The following NKAIN2 variants were observed in gnomAD, a reference collection of about 807,000 sequenced individuals.
NKAIN2 encodes sodium/potassium transporting ATPase interacting 2, also known as sodium/potassium-transporting ATPase subunit beta-1-interacting protein 2.
Under a neutral mutation model 32.6 loss-of-function variants are expected in NKAIN2, and 14 were observed. The ratio of observed to expected loss-of-function variants is 0.43; its 90% CI spans 0.28 to 0.67. The LOEUF (loss-of-function observed/expected upper bound fraction) is 0.67, where lower values mean the gene tolerates loss of function less well. Among genes scored for constraint, NKAIN2 ranks in the 30% least tolerant of loss-of-function variants. The pLI is 0.17. For synonymous variants in NKAIN2, 80 were observed against 87.2 expected (o/e 0.92, Z 0.46); for missense variants, 198 against 258.3 (o/e 0.77, Z 1.60).
chr6:124,582,283 G>C (rs374920640), intron 3 of NKAIN2, among the ~76,000 whole-genome samples: 1 of 152,098 alleles, frequency 6.6e-6, no homozygotes, highest in South Asian at 2.1e-4. Context: ...TTGAATTTTT[G>C]TGATATTAGT....
chr6:123,822,352 C>A (rs1353028364), intron 1 of NKAIN2, among the ~76,000 whole-genome samples: 1 of 152,148 alleles, frequency 6.6e-6, no homozygotes, highest in Non-Finnish European at 1.5e-5. Context: ...TAGAATTATA[C>A]ATTCTGGAGT....
chr6:124,167,417 G>A (rs533841388), intron 1 of NKAIN2, among the ~76,000 whole-genome samples: 1 of 152,132 alleles, frequency 6.6e-6, no homozygotes, highest in Admixed American at 6.6e-5. Flanking sequence ...GGAGATTTTG[G>A]GCTGAGACAA....
chr6:124,545,186 C>G (rs137896886), intron 3 of NKAIN2, among the ~76,000 whole-genome samples: 1 of 152,070 alleles, frequency 6.6e-6, no homozygotes, highest in Non-Finnish European at 1.5e-5. Context: ...TGCTTCAATG[C>G]CTGCCCTGAA....
intron 4 of NKAIN2, among the ~76,000 whole-genome samples, chr6:124,738,311 T>A (rs1372291092): frequency 6.6e-6 from 1 of 151,884 alleles, no homozygotes; most frequent in Non-Finnish European, 1.5e-5. Context: ...GTTCTATTCC[T>A]TAGATAATAA....
At chr6:123,861,525 C>T (rs969200324) in intron 1 of NKAIN2, among the ~76,000 whole-genome samples, 4 of 152,088 alleles carry the variant, frequency 2.6e-5, no homozygotes, top group Admixed American at 6.5e-5. Context: ...AGATTTTTGT[C>T]GTTTCTTTAT....
At chr6:123,956,625 T>C (rs1777605783) in intron 1 of NKAIN2, among the ~76,000 whole-genome samples, 1 of 152,220 alleles carries the variant, frequency 6.6e-6, no homozygotes, top group African/African-American at 2.4e-5. Context: ...GGTATTTTGT[T>C]ATGGCAGCCT....
rs145822155 is a variant in NKAIN2 at position 123,976,248 on chromosome 6, C to CATAT, written c.54+172007_54+172010dup. Among the ~76,000 whole-genome samples the CATAT allele has an allele frequency of 5.9e-3, 600 of 100,962 alleles. 32 individuals carry two copies. Among genetic ancestry groups the CATAT allele is most frequent in the African/African-American group, 0.021 (572 of 27,096 alleles). The allele number at this position is 100,962 out of a possible 152,430, so 66.2% of individuals were successfully genotyped here. On this transcript the variant is annotated intron_variant, in intron 1 of 6. Transcript: ENST00000368417. ...ACAAACGTCCAGACAATAGCAAGAA[C>CATAT]ATATATATATATATATGTTTCCATA...
Position 124,464,404 on chromosome 6 carries a change from G to A in NKAIN2, c.273+109057G>A, listed in dbSNP as rs1025442148. On this transcript the variant is annotated intron_variant, in intron 3 of 6. Transcript: ENST00000368417. ...TATTGCCATTTTTTTTACTTTCATG[G>A]TAAAAATAGCCATGAATTATAAGCT... Among the ~76,000 whole-genome samples the A allele has an allele frequency of 4.0e-5, 6 of 150,994 alleles. No homozygotes were observed. In the East Asian group the frequency reaches 7.8e-4, roughly 20 times the overall value.
At chr6:124,501,222 T>C (rs1304151373) in intron 3 of NKAIN2, among the ~76,000 whole-genome samples, 1 of 152,000 alleles carries the variant, frequency 6.6e-6, no homozygotes, top group Non-Finnish European at 1.5e-5. Context: ...AGATAACTGA[T>C]CACACTCCAC....
At chr6:124,726,467 G>T (rs140559212) in intron 4 of NKAIN2, among the ~76,000 whole-genome samples, 1 of 151,806 alleles carries the variant, frequency 6.6e-6, no homozygotes, top group Non-Finnish European at 1.5e-5. Context: ...TCACACGGCA[G>T]GGTATTCCAA....
At chr6:123,902,643 T>C (rs1774659984) in intron 1 of NKAIN2, among the ~76,000 whole-genome samples, 1 of 152,204 alleles carries the variant, frequency 6.6e-6, no homozygotes, top group South Asian at 2.1e-4. Flanking sequence ...ATTGCAGAAT[T>C]AATTTAACAA....
rs1781469848 is a variant in NKAIN2, at chr6:124,580,145, G to T, written c.274-78041G>T. Among the ~76,000 whole-genome samples the T allele has an allele frequency of 2.0e-5, 3 of 152,158 alleles. No homozygotes were observed. The South Asian group carries it at 6.2e-4, about 32-fold the overall frequency. ...GTGAGCAATAAGAAATCATCTGAAG[G>T]TGCAAGACTTGCTTGTAATAGTAAG... On this transcript the variant is annotated intron_variant, in intron 3 of 6. Transcript: ENST00000368417.
chr6:124,653,482 C>A (rs1784438242), intron 3 of NKAIN2, among the ~76,000 whole-genome samples: 1 of 146,404 alleles, frequency 6.8e-6, no homozygotes, highest in African/African-American at 2.5e-5. Context: ...AGACACAAAC[C>A]TTGTGTCCTT....
chr6:124,105,409 A>C (rs1300968770), intron 1 of NKAIN2, among the ~76,000 whole-genome samples: 1 of 152,032 alleles, frequency 6.6e-6, no homozygotes, highest in Admixed American at 6.6e-5. Flanking sequence ...TTTTTGTATT[A>C]ATGGTGGTGG....
intron 5 of NKAIN2, among the ~76,000 whole-genome samples, chr6:124,800,449 G>A (rs1329094711): frequency 1.3e-5 from 2 of 152,190 alleles, no homozygotes; most frequent in African/African-American, 2.4e-5. Context: ...AGATACTCAC[G>A]GAGGCCTCCG....
intron 3 of NKAIN2, among the ~76,000 whole-genome samples, chr6:124,471,179 G>A (rs1163536372): frequency 6.6e-6 from 1 of 151,896 alleles, no homozygotes; most frequent in Non-Finnish European, 1.5e-5. Context: ...GCTAAATGTT[G>A]GTTGATAAGG....
chr6:123,914,510 ACAGC>A (rs763962346), intron 1 of NKAIN2, among the ~76,000 whole-genome samples: 5 of 152,132 alleles, frequency 3.3e-5, no homozygotes, highest in Non-Finnish European at 7.4e-5. Flanking sequence ...CATTTCAAAT[ACAGC>A]CACACAAAGG....
intron 4 of NKAIN2, among the ~76,000 whole-genome samples, chr6:124,703,120 G>A (rs905799902): frequency 1.3e-5 from 2 of 152,102 alleles, no homozygotes; most frequent in South Asian, 4.2e-4. Flanking sequence ...TGTCAGCAAA[G>A]TCATAAACCT....
chr6:124,087,410 G>T (rs1784232238), intron 1 of NKAIN2, among the ~76,000 whole-genome samples: 1 of 151,718 alleles, frequency 6.6e-6, no homozygotes, highest in Non-Finnish European at 1.5e-5. Flanking sequence ...TACAGTACTG[G>T]AAGTCCTAGC....
Sources: allele counts gnomAD v4.1 joint callset (sites outside exome capture counted in the v4.1 genomes callset), GRCh38; gene constraint gnomAD v4.1.1; transcripts MANE v1.5; gene names NCBI Gene and HGNC (gene_info 2026-07-23, HGNC 2026-07-21).